NPSR1: variants seen among roughly 807,000 people sequenced by gnomAD.
NPSR1 encodes the protein neuropeptide S receptor 1, also known as neuropeptide S receptor.
NPSR1 carries 48 observed loss-of-function variants against 46.9 expected under a neutral mutation model. The ratio of observed to expected loss-of-function variants is 1.02; its 90% confidence interval spans 0.81 to 1.30. The LOEUF (loss-of-function observed/expected upper bound fraction) is 1.30. Ranked by LOEUF, NPSR1 falls within the 50% of genes most tolerant of loss-of-function variation. NPSR1 has a pLI of 0.00. For synonymous variants in NPSR1, 176 were observed against 168.1 expected, an observed-to-expected ratio of 1.05 and a Z score of -0.36; for missense variants, 450 against 449.5, an observed-to-expected ratio of 1.00 and a Z score of -0.01.
chr7:34,865,662 C>G (rs1004026215), intron 8 of NPSR1, among the ~76,000 whole-genome samples: 1 of 151,770 alleles, frequency 6.6e-6, no homozygotes, highest in African/African-American at 2.4e-5. Context: ...CAAGACACAC[C>G]CCCCTTAGCA....
In NPSR1 at chr7:34,658,537, G is replaced by A. The variant is rs1312232263; in HGVS notation, c.125G>A (p.Gly42Asp). The change falls in exon 1 of 9, where the codon GGT becomes GAT. Residue 42 changes from glycine to aspartate, a missense_variant. Transcript: ENST00000360581. ...FTEVVEGKEW[G>D]SFYYSFKTEQ... ...GAAGTGGTGGAAGGAAAGGAATGGG[G>A]TTCCTTCTACTACTCCTTTAAGGTA... 6 of 1,613,998 alleles carry A rather than the reference G, an allele frequency of 3.7e-6. No individual in the cohort carries two copies. Among genetic ancestry groups the A allele is most frequent in the Non-Finnish European group, 4.2e-6 (5 of 1,179,858 alleles).
Position 34,849,811 on chromosome 7 carries a change from C to G in NPSR1, c.*156C>G. 1 of 1,435,196 alleles carries G rather than the reference C, an allele frequency of 7.0e-7. No individual in the cohort carries two copies. Among genetic ancestry groups the G allele is most frequent in the Non-Finnish European group, 9.1e-7 (1 of 1,095,512 alleles). The allele number at this position is 1,435,196 out of a possible 1,614,324, so 88.9% of individuals were successfully genotyped here. A position where few individuals can be genotyped will look rare whatever the true frequency, so the allele number is the denominator to read the frequency against. On this transcript the variant is annotated 3_prime_UTR_variant, in exon 9 of 9. Transcript: ENST00000360581. ...ACAAATGTTCTAATGACTGCATGCA[C>G]TGCTTAAGTATTGGCCAACACGAAC...
At chr7:34,774,726 T>C (rs1786867269) in intron 2 of NPSR1, among the ~76,000 whole-genome samples, 1 of 152,132 alleles carries the variant, frequency 6.6e-6, no homozygotes, top group Non-Finnish European at 1.5e-5. Context: ...GTCCACCAGA[T>C]CATATGCCTC....
intron 2 of NPSR1, among the ~76,000 whole-genome samples, chr7:34,730,899 A>G (rs1254673489): frequency 1.3e-5 from 2 of 152,350 alleles, no homozygotes; most frequent in Non-Finnish European, 1.5e-5. Flanking sequence ...ATGGAAACCT[A>G]ATAAACATTC....
At chr7:34,703,619 T>G (rs902811467) in intron 2 of NPSR1, among the ~76,000 whole-genome samples, 49 of 152,294 alleles carry the variant, frequency 3.2e-4, no homozygotes, top group South Asian at 1.0e-3. Flanking sequence ...AAAAAAATCT[T>G]AACTAATTAT....
intron 8 of NPSR1, among the ~76,000 whole-genome samples, chr7:34,856,580 T>C (rs1475020582): frequency 6.6e-6 from 1 of 151,536 alleles, no homozygotes; most frequent in Admixed American, 6.6e-5. Context: ...GCGTGGATGA[T>C]TTTAGGGGAA....
chr7:34,790,953 TTATATGTTATATTA>T (rs1787774900), intron 3 of NPSR1, among the ~76,000 whole-genome samples: 9 of 82,800 alleles, frequency 1.1e-4, no homozygotes, highest in African/African-American at 2.1e-4. Context: ...ATCATATATG[TTATATGTTATATTA>T]TATATGTTAT....
intron 3 of NPSR1, among the ~76,000 whole-genome samples, chr7:34,788,202 G>A (rs539697511): frequency 2.6e-5 from 4 of 151,834 alleles, no homozygotes; most frequent in Non-Finnish European, 4.4e-5. Flanking sequence ...TTTTAAAATC[G>A]CTCGTTATAA....
chr7:34,797,797 C>G (rs558419616), intron 3 of NPSR1, among the ~76,000 whole-genome samples: 1 of 152,162 alleles, frequency 6.6e-6, no homozygotes, highest in East Asian at 1.9e-4. Context: ...GGGAAACTTA[C>G]AGATAAATAA....
intron 2 of NPSR1, among the ~76,000 whole-genome samples, chr7:34,725,810 G>C (rs191711026): frequency 1.3e-5 from 2 of 152,324 alleles, no homozygotes; most frequent in Non-Finnish European, 2.9e-5. Flanking sequence ...ACCTTGAACT[G>C]TAATAATCTC....
chr7:34,660,844 C>T (rs1791420002), intron 1 of NPSR1, among the ~76,000 whole-genome samples: 1 of 149,242 alleles, frequency 6.7e-6, no homozygotes, highest in Non-Finnish European at 1.5e-5. Context: ...TGAAGCCCTC[C>T]TTGACTCATC....
intron 2 of NPSR1, among the ~76,000 whole-genome samples, chr7:34,717,133 T>C (rs183210446): frequency 3.0e-4 from 46 of 152,336 alleles, no homozygotes; most frequent in African/African-American, 1.1e-3. Flanking sequence ...TGAGTCTTTT[T>C]TGTTTGATTG....
At chr7:34,735,264 A>G (rs1303274802) in intron 2 of NPSR1, among the ~76,000 whole-genome samples, 1 of 152,192 alleles carries the variant, frequency 6.6e-6, no homozygotes, top group Non-Finnish European at 1.5e-5. Flanking sequence ...GGAATGATTC[A>G]TGGGTGACTC....
At chr7:34,850,558 G>T (rs558746260), downstream of NPSR1, among the ~76,000 whole-genome samples, 2 of 152,044 alleles carry the variant, frequency 1.3e-5, no homozygotes, top group East Asian at 3.9e-4. Context: ...CCGCCACCAC[G>T]CCTGGCTAAT....
intron 2 of NPSR1, among the ~76,000 whole-genome samples, chr7:34,729,939 C>A (rs324382): frequency 0.23 from 35,518 of 152,004 alleles, 4,772 homozygotes; most frequent in African/African-American, 0.38. Context: ...ACACCTGGCT[C>A]AATGTTTATT....
intron 6 of NPSR1, among the ~76,000 whole-genome samples, chr7:34,835,430 C>A (rs1198861345): frequency 6.6e-6 from 1 of 152,200 alleles, no homozygotes; most frequent in Non-Finnish European, 1.5e-5. Context: ...GCTGTGCCAC[C>A]TGGCAAAGTT....
downstream of NPSR1, among the ~76,000 whole-genome samples, chr7:34,854,662 A>G (rs1791012934): frequency 6.6e-6 from 1 of 152,246 alleles, no homozygotes; most frequent in Admixed American, 6.5e-5. Context: ...CAAAATATAT[A>G]CTTTTAAAAG....
intron 2 of NPSR1, among the ~76,000 whole-genome samples, chr7:34,708,769 T>C (rs974237048): frequency 3.9e-5 from 6 of 152,212 alleles, no homozygotes; most frequent in Non-Finnish European, 1.5e-5. Flanking sequence ...TATGAAGTTA[T>C]ACATTTAGCC....
intron 8 of NPSR1, among the ~76,000 whole-genome samples, chr7:34,877,539 G>A (rs1163353695): frequency 6.6e-6 from 1 of 152,216 alleles, no homozygotes; most frequent in Non-Finnish European, 1.5e-5. Context: ...CGGAGCAATA[G>A]TGAGTGCCCA....
Sources: gnomAD v4.1 joint callset for allele counts (sites outside exome capture counted in the v4.1 genomes callset) on GRCh38, gnomAD v4.1.1 for gene constraint, MANE v1.5 for transcripts, NCBI Gene and HGNC (gene_info 2026-07-23, HGNC 2026-07-21) for gene names.